Variants in TNFSF4 observed in about 807,000 individuals in gnomAD.
TNFSF4 encodes TNF superfamily member 4, also known as tumor necrosis factor ligand superfamily member 4.
In TNFSF4, 4 loss-of-function variants were observed where a neutral mutation model predicts 7.3. That is an observed-to-expected ratio of 0.55 (90% CI 0.27 to 1.25). The LOEUF (loss-of-function observed/expected upper bound fraction) is 1.25. TNFSF4 is among the 50% of genes most tolerant of loss of function. The pLI is 0.12. For missense variants in TNFSF4, 181 were observed against 208.8 expected, an observed-to-expected ratio of 0.87 and a Z score of 0.82; for synonymous variants, 76 against 83.7, an observed-to-expected ratio of 0.91 and a Z score of 0.50.
the TNFSF4 span, among the ~76,000 whole-genome samples, chr1:173,279,799 C>T: frequency 2.6e-5 from 4 of 152,028 alleles, no homozygotes; most frequent in African/African-American, 4.8e-5. Flanking sequence ...TCAGGTTTCC[C>T]GGAGTCTTCT....
At chr1:173,360,071 T>C in the TNFSF4 span, among the ~76,000 whole-genome samples, 1 of 152,256 alleles carries the variant, frequency 6.6e-6, no homozygotes, top group Non-Finnish European at 1.5e-5. Context: ...CCAGCAGCCA[T>C]ACTGCTAATC....
At chr1:173,344,695 T>C in the TNFSF4 span, among the ~76,000 whole-genome samples, 98,733 of 152,112 alleles carry the variant, frequency 0.65, 32,081 homozygotes, top group Admixed American at 0.69. Context: ...GACATTTTAA[T>C]AACCCTAAGA....
At chr1:173,363,147 G>A in the TNFSF4 span, 1 of 326,116 alleles carries the variant, frequency 3.1e-6, no homozygotes, top group Non-Finnish European at 6.2e-6. Context: ...GCAAGGGCCT[G>A]CACTGTGGAA....
the TNFSF4 span, among the ~76,000 whole-genome samples, chr1:173,289,788 G>A: frequency 6.6e-6 from 1 of 152,000 alleles, no homozygotes; most frequent in Non-Finnish European, 1.5e-5. Context: ...AACTGCAGAA[G>A]AATACATCAG....
At chr1:173,426,210 G>GT in the TNFSF4 span, among the ~76,000 whole-genome samples, 1 of 152,172 alleles carries the variant, frequency 6.6e-6, no homozygotes, top group Non-Finnish European at 1.5e-5. Flanking sequence ...GCTCAAGTCA[G>GT]TTGCTTCCTT....
chr1:173,359,328 A>G, the TNFSF4 span, among the ~76,000 whole-genome samples: 1 of 152,106 alleles, frequency 6.6e-6, no homozygotes, highest in African/African-American at 2.4e-5. Context: ...TTCAACAAAC[A>G]TTTGATCAAT....
At chr1:173,277,605 G>A in the TNFSF4 span, among the ~76,000 whole-genome samples, 1 of 152,128 alleles carries the variant, frequency 6.6e-6, no homozygotes, top group African/African-American at 2.4e-5. Flanking sequence ...ACTCACAAGG[G>A]TGGCTAGTAC....
the TNFSF4 span, among the ~76,000 whole-genome samples, chr1:173,342,626 T>C: frequency 1.3e-5 from 2 of 152,170 alleles, no homozygotes; most frequent in African/African-American, 2.4e-5. Context: ...ATCCCGTCAG[T>C]AAAGGTTCCA....
At chr1:173,280,073 A>G in the TNFSF4 span, among the ~76,000 whole-genome samples, 3 of 152,038 alleles carry the variant, frequency 2.0e-5, no homozygotes, top group Non-Finnish European at 4.4e-5. Context: ...GCCCCTGCCT[A>G]GGATGTCTTT....
chr1:173,173,404 A>G, the TNFSF4 span, among the ~76,000 whole-genome samples: 1 of 152,258 alleles, frequency 6.6e-6, no homozygotes, highest in Non-Finnish European at 1.5e-5. Context: ...TAATGGGAGT[A>G]CAGGCACTGG....
At chr1:173,300,264 C>T in the TNFSF4 span, among the ~76,000 whole-genome samples, 200 of 151,902 alleles carry the variant, frequency 1.3e-3, 1 homozygote, top group African/African-American at 4.7e-3. Flanking sequence ...GCCCTAGAGT[C>T]CTTCCTCTTT....
At chr1:173,192,674 T>C (rs1038790523) in intron 1 of TNFSF4, among the ~76,000 whole-genome samples, 27 of 152,182 alleles carry the variant, frequency 1.8e-4, no homozygotes, top group Admixed American at 1.4e-3. Context: ...ACCCACAGAA[T>C]GTACAGTTAA....
chr1:173,173,749 T>C, the TNFSF4 span, among the ~76,000 whole-genome samples: 1 of 152,214 alleles, frequency 6.6e-6, no homozygotes, highest in African/African-American at 2.4e-5. Flanking sequence ...TTGAAGCAGC[T>C]GGGACACAGG....
the TNFSF4 span, among the ~76,000 whole-genome samples, chr1:173,374,855 T>G: frequency 6.6e-6 from 1 of 152,192 alleles, no homozygotes. Context: ...CCCCTACTTA[T>G]AGGGTTAGGA....
At chr1:173,412,526 A>T in the TNFSF4 span, among the ~76,000 whole-genome samples, 1 of 152,378 alleles carries the variant, frequency 6.6e-6, no homozygotes, top group Non-Finnish European at 1.5e-5. Flanking sequence ...ATTCCTAAAA[A>T]GACATCGTTA....
chr1:173,304,076 T>G, the TNFSF4 span, among the ~76,000 whole-genome samples: 25 of 151,942 alleles, frequency 1.6e-4, no homozygotes, highest in African/African-American at 6.0e-4. Flanking sequence ...AAACAGTTAT[T>G]TCTTTCTTTC....
chr1:173,374,998 CTT>C, the TNFSF4 span, among the ~76,000 whole-genome samples: 1 of 152,186 alleles, frequency 6.6e-6, no homozygotes, highest in African/African-American at 2.4e-5. Flanking sequence ...CAAATAGACT[CTT>C]TGGCAGCAGT....
the TNFSF4 span, among the ~76,000 whole-genome samples, chr1:173,247,563 A>T: frequency 6.6e-6 from 1 of 152,178 alleles, no homozygotes; most frequent in South Asian, 2.1e-4. Context: ...TCTTTTCTCT[A>T]TTTCATAGTT....
the TNFSF4 span, among the ~76,000 whole-genome samples, chr1:173,380,116 G>A: frequency 2.6e-5 from 4 of 152,176 alleles, no homozygotes; most frequent in African/African-American, 7.2e-5. Flanking sequence ...CTCAAGGTCC[G>A]TTACTATCCG....
Sources: allele counts gnomAD v4.1 joint callset (sites outside exome capture counted in the v4.1 genomes callset), GRCh38; gene constraint gnomAD v4.1.1; transcripts MANE v1.5; gene names NCBI Gene and HGNC (gene_info 2026-07-23, HGNC 2026-07-21).